The following BRCA1 variants were observed in gnomAD, a reference collection of about 807,000 sequenced individuals.
BRCA1 encodes BRCA1 DNA repair associated, also known as breast cancer type 1 susceptibility protein.
In BRCA1, 140 loss-of-function variants were observed where a neutral mutation model predicts 173.7. The observed-to-expected ratio is 0.81, with a 90% CI of 0.70 to 0.93. The LOEUF is 0.93. Ranked by LOEUF, BRCA1 falls within the 40% of genes least tolerant of loss-of-function variation. The probability of loss-of-function intolerance (pLI) is 0.00; values close to 1 mark genes in which losing one functional copy is unlikely to be tolerated. For synonymous variants in BRCA1, 662 were observed against 756.0 expected (o/e 0.88, Z 2.04); for missense variants, 1,983 against 2,172.5 (o/e 0.91, Z 1.73).
rs2152483837 is a variant in BRCA1, at chr17:43,045,688, C to T, written c.5582G>A (p.Ser1861Asn). 1 of 1,613,690 alleles carries T rather than the reference C, an allele frequency of 6.2e-7. No individual in the cohort carries two copies. The highest frequency in any genetic ancestry group is 1.7e-5 in the Admixed American group (1 of 59,992). The change falls in exon 23 of 23, where the codon AGC becomes AAC. Residue 1861 changes from serine to asparagine, a missense_variant. Transcript: ENST00000357654. ...TGTGGCTGGCTGCAGTCAGTAGTGG[C>T]TGTGGGGGATCTGGGGTATCAGGTA... ...DTYLIPQIPH[S>N]HY
intron 1 of BRCA1, among the ~76,000 whole-genome samples, chr17:43,147,091 G>A (rs1191340982): frequency 6.6e-6 from 1 of 151,950 alleles, no homozygotes; most frequent in Non-Finnish European, 1.5e-5. Flanking sequence ...CGCAACCTCT[G>A]CCTCCTGGGT....
intron 1 of BRCA1, among the ~76,000 whole-genome samples, chr17:43,142,275 G>A (rs1008973067): frequency 3.3e-5 from 5 of 152,134 alleles, no homozygotes. Context: ...TACAGAGCTG[G>A]TGTGGGGGAG....
At chr17:43,130,184 A>T (rs943376003), upstream of BRCA1, among the ~76,000 whole-genome samples, 4 of 152,098 alleles carry the variant, frequency 2.6e-5, no homozygotes, top group African/African-American at 9.7e-5. Flanking sequence ...GTTTAATTGA[A>T]CTTAATTTTT....
At chr17:43,063,271 T>C (rs2051846021) in intron 18 of BRCA1, 62 bp downstream of exon 18, 2 of 1,388,114 alleles carry the variant, frequency 1.4e-6, no homozygotes, top group Non-Finnish European at 2.0e-6. Context: ...AGGAAGCAAA[T>C]ACATTTTTAA....
rs1555595423 is a variant in BRCA1 at position 43,100,684 on chromosome 17, T to TATAACATATATATATATATA, written c.442-805_442-804insTATATATATATATATGTTAT. ...TATATATATATATATATATAATATA[T>TATAACATATATATATATATA]ATATATATATATATATATGTAATCC... On this transcript the variant is annotated intron_variant, in intron 6 of 22. Coordinates refer to ENST00000357654, the MANE Select transcript of BRCA1 (RefSeq NM_007294.4). Among the ~76,000 whole-genome samples, 47 of 12,548 alleles carry TATAACATATATATATATATA rather than the reference T, an allele frequency of 3.7e-3. 3 individuals carry two copies. Among genetic ancestry groups the TATAACATATATATATATATA allele is most frequent in the African/African-American group, 9.4e-3 (44 of 4,678 alleles). The allele number at this position is 12,548 out of a possible 152,430, so 8.2% of individuals were successfully genotyped here. A position where few individuals can be genotyped will look rare whatever the true frequency, so the allele number is the denominator to read the frequency against.
At chr17:43,089,657 C>G (rs2053366730) in intron 11 of BRCA1, among the ~76,000 whole-genome samples, 1 of 150,830 alleles carries the variant, frequency 6.6e-6, no homozygotes, top group African/African-American at 2.4e-5. Flanking sequence ...AAGTGATTCT[C>G]CTGCTTTAGC....
intron 12 of BRCA1, among the ~76,000 whole-genome samples, chr17:43,077,150 C>T (rs966266172): frequency 6.6e-6 from 1 of 151,892 alleles, no homozygotes; most frequent in Non-Finnish European, 1.5e-5. Context: ...CATTTTGCTT[C>T]ACATTTTCAA....
chr17:43,095,943 C>A (rs2154515580), intron 8 of BRCA1, 21 bp from the exon 9 acceptor site: 1 of 1,588,152 alleles, frequency 6.3e-7, no homozygotes, highest in South Asian at 1.1e-5. Context: ...AAGACAGAGT[C>A]CTAATAAGAA....
At chr17:43,056,461 G>A (rs8176285) in intron 19 of BRCA1, among the ~76,000 whole-genome samples, 98 of 152,270 alleles carry the variant, frequency 6.4e-4, no homozygotes, top group African/African-American at 2.2e-3. Flanking sequence ...TAACAGGAAC[G>A]AGCCGCTGTG....
chr17:43,051,039 T>G, intron 20 of BRCA1, 24 bp downstream of exon 20: 1 of 1,609,472 alleles, frequency 6.2e-7, no homozygotes, highest in South Asian at 1.1e-5. Flanking sequence ...GTGCTGGAAC[T>G]CTGGGGTTCT....
intron 1 of BRCA1, chr17:43,124,591 C>T (rs991273256): frequency 5.7e-6 from 1 of 175,228 alleles, no homozygotes; most frequent in Admixed American, 5.7e-5. Context: ...ACTACTGACG[C>T]TCCTCTACTT....
chr17:43,106,455 C>A lies in BRCA1; in HGVS notation c.212+1G>T, dbSNP rs80358042. The A allele has an allele frequency of 6.3e-7, 1 of 1,575,982 alleles. No individual in the cohort carries two copies. The highest frequency in any genetic ancestry group is 8.7e-7 in the Non-Finnish European group (1 of 1,147,448). ...CCTAGCATCATTACCAAATTATATA[C>A]CTTTTGGTTATATCATTCTTACATA... is the stretch of plus-strand genomic sequence containing the variant. On this transcript the variant is annotated splice_donor_variant, in intron 4 of 22. Coordinates refer to ENST00000357654, the MANE Select transcript of BRCA1 (RefSeq NM_007294.4). LOFTEE classifies it high-confidence loss of function.
intron 1 of BRCA1, among the ~76,000 whole-genome samples, chr17:43,147,158 G>T (rs927126887): frequency 2.0e-5 from 3 of 152,046 alleles, no homozygotes; most frequent in Non-Finnish European, 4.4e-5. Flanking sequence ...GCGCCACCGC[G>T]CCCGGCTAAT....
intron 18 of BRCA1, among the ~76,000 whole-genome samples, chr17:43,060,544 T>A (rs1474492268): frequency 6.6e-6 from 1 of 151,842 alleles, no homozygotes; most frequent in Admixed American, 6.6e-5. Context: ...CAGGCTGGAG[T>A]GCAGTGATGC....
At chr17:43,082,795 T>G in intron 11 of BRCA1, 1 of 580,716 alleles carries the variant, frequency 1.7e-6, no homozygotes, top group Non-Finnish European at 3.1e-6. Flanking sequence ...AATCCTCAAA[T>G]TCCCCCAAAT....
At chr17:43,120,978 C>T (rs1206222706) in intron 2 of BRCA1, among the ~76,000 whole-genome samples, 4 of 146,886 alleles carry the variant, frequency 2.7e-5, no homozygotes, top group Non-Finnish European at 6.0e-5. Flanking sequence ...GCAGGAGAAG[C>T]GCTTGAACTT....
At chr17:43,089,465 AT>A (rs2053356146) in intron 11 of BRCA1, among the ~76,000 whole-genome samples, 2 of 152,122 alleles carry the variant, frequency 1.3e-5, no homozygotes, top group South Asian at 4.1e-4. Context: ...ATGGTCATAT[AT>A]ATGGTAAAGC....
At chr17:43,072,213 C>G (rs2052480577) in intron 14 of BRCA1, among the ~76,000 whole-genome samples, 1 of 151,462 alleles carries the variant, frequency 6.6e-6, no homozygotes, top group Non-Finnish European at 1.5e-5. Context: ...CATGGAGAAA[C>G]CCTGTCTCTA....
intron 9 of BRCA1, 125 bp from the exon 10 acceptor site, chr17:43,094,985 C>G: frequency 1.3e-6 from 1 of 796,698 alleles, no homozygotes; most frequent in Non-Finnish European, 2.0e-6. Flanking sequence ...ACCTCATAAA[C>G]TACCAAGTAT....
Sources: gnomAD v4.1 joint callset for allele counts (sites outside exome capture counted in the v4.1 genomes callset) on GRCh38, gnomAD v4.1.1 for gene constraint, MANE v1.5 for transcripts, NCBI Gene and HGNC (gene_info 2026-07-23, HGNC 2026-07-21) for gene names.